STK4: variants seen among roughly 807,000 people sequenced by gnomAD.
STK4 encodes the protein serine/threonine kinase 4.
In STK4, 30 loss-of-function variants were observed where a neutral mutation model predicts 64.9. The ratio of observed to expected loss-of-function variants is 0.46; its 90% confidence interval spans 0.35 to 0.63. The LOEUF is 0.63. Among genes scored for constraint, STK4 ranks in the 20% least tolerant of loss-of-function variants. STK4 has a pLI of 0.01. For missense variants in STK4, 466 were observed against 598.5 expected, an observed-to-expected ratio of 0.78 and a Z score of 2.31; for synonymous variants, 177 against 199.0, an observed-to-expected ratio of 0.89 and a Z score of 0.93.
At chr20:45,008,983 G>A (rs2067998448) in intron 9 of STK4, among the ~76,000 whole-genome samples, 1 of 151,972 alleles carries the variant, frequency 6.6e-6, no homozygotes, top group Admixed American at 6.6e-5. Flanking sequence ...CCTTTCTGTA[G>A]GTTGTTTACA....
chr20:45,053,877 T>C (rs1978308930), intron 10 of STK4, among the ~76,000 whole-genome samples: 1 of 152,142 alleles, frequency 6.6e-6, no homozygotes, highest in Admixed American at 6.5e-5. Flanking sequence ...CTCAAAGCTG[T>C]GTGTAAAGAT....
intron 10 of STK4, among the ~76,000 whole-genome samples, chr20:45,028,544 C>T (rs559603727): frequency 1.3e-5 from 2 of 152,242 alleles, no homozygotes; most frequent in East Asian, 3.9e-4. Flanking sequence ...CCCAGCTCAT[C>T]TGGAACACCT....
At chr20:44,975,485 T>G (rs1187273372) in intron 2 of STK4, 1 of 513,088 alleles carries the variant, frequency 1.9e-6, no homozygotes, top group African/African-American at 2.1e-5. Context: ...GAATAATGAG[T>G]GAAAATTATT....
chr20:45,052,713 G>A (rs576781295), intron 10 of STK4, among the ~76,000 whole-genome samples: 15 of 152,324 alleles, frequency 9.8e-5, no homozygotes, highest in South Asian at 4.1e-4. Flanking sequence ...TGCGCTCTCA[G>A]ACTCTTGCCA....
intron 5 of STK4, among the ~76,000 whole-genome samples, chr20:44,988,747 T>G (rs2067582307): frequency 6.6e-6 from 1 of 151,748 alleles, no homozygotes; most frequent in Non-Finnish European, 1.5e-5. Context: ...TTCCAGAACA[T>G]TTTCATCATC....
chr20:44,988,507 G>GTA (rs1301798725), intron 5 of STK4, among the ~76,000 whole-genome samples: 16 of 123,144 alleles, frequency 1.3e-4, no homozygotes, highest in South Asian at 2.5e-4. Context: ...ATGTATGTAT[G>GTA]TGTGTGTGTA....
intron 9 of STK4, among the ~76,000 whole-genome samples, chr20:45,011,346 G>C (rs1224338958): frequency 6.6e-6 from 1 of 152,038 alleles, no homozygotes; most frequent in Non-Finnish European, 1.5e-5. Context: ...TTATATAAAA[G>C]TAGCCTTTAT....
At chr20:45,029,204 G>A (rs1200299855) in intron 10 of STK4, among the ~76,000 whole-genome samples, 3 of 152,212 alleles carry the variant, frequency 2.0e-5, no homozygotes, top group African/African-American at 7.2e-5. Flanking sequence ...GTTAATGGTT[G>A]TCTGGAGCTG....
chr20:45,052,308 C>A (rs1055448906), intron 10 of STK4, among the ~76,000 whole-genome samples: 2 of 152,092 alleles, frequency 1.3e-5, no homozygotes, highest in Non-Finnish European at 2.9e-5. Flanking sequence ...TACATTTTAA[C>A]ATTTCCTTCC....
At chr20:45,060,589 T>C (rs972194408) in intron 10 of STK4, among the ~76,000 whole-genome samples, 3 of 152,160 alleles carry the variant, frequency 2.0e-5, no homozygotes, top group African/African-American at 7.2e-5. Flanking sequence ...ATTCAACCAC[T>C]TACAACCTCT....
intron 10 of STK4, among the ~76,000 whole-genome samples, chr20:45,030,365 A>G (rs2145396957): frequency 6.6e-6 from 1 of 152,282 alleles, no homozygotes; most frequent in Middle Eastern, 3.4e-3. Flanking sequence ...TGGCCTCCCA[A>G]AGTGCTGGGA....
At chr20:45,061,872 CTTTTTTTTTT>C (rs71197598) in intron 10 of STK4, among the ~76,000 whole-genome samples, 2 of 115,074 alleles carry the variant, frequency 1.7e-5, no homozygotes, top group African/African-American at 6.6e-5. Context: ...TCTTCTTCTT[CTTTTTTTTTT>C]TTTTTTTTTT....
intron 4 of STK4, among the ~76,000 whole-genome samples, chr20:44,986,007 A>T (rs572225078): frequency 1.1e-4 from 17 of 152,328 alleles, no homozygotes; most frequent in African/African-American, 3.8e-4. Context: ...TATTGGCCAG[A>T]TCAGATATTC....
chr20:45,011,723 ATATATATTTTT>A (rs1335076877), intron 9 of STK4, among the ~76,000 whole-genome samples: 2 of 106,234 alleles, frequency 1.9e-5, no homozygotes, highest in Non-Finnish European at 3.9e-5. Flanking sequence ...ATATATATAT[ATATATATTTTT>A]TTTTTTTTTT....
chr20:45,031,994 T>C (rs1324530091), intron 10 of STK4, among the ~76,000 whole-genome samples: 1 of 151,738 alleles, frequency 6.6e-6, no homozygotes. Context: ...TGTTAAAAGG[T>C]ATACTTTATC....
At chr20:45,052,064 C>T (rs898057237) in intron 10 of STK4, among the ~76,000 whole-genome samples, 4 of 152,182 alleles carry the variant, frequency 2.6e-5, no homozygotes, top group Non-Finnish European at 5.9e-5. Context: ...CTGTAATGCA[C>T]GTAAAGCACC....
intron 6 of STK4, among the ~76,000 whole-genome samples, chr20:44,995,792 C>T (rs1451683770): frequency 2.0e-5 from 3 of 151,970 alleles, no homozygotes; most frequent in Non-Finnish European, 2.9e-5. Flanking sequence ...ATTGATAGCC[C>T]TCTGGCAGGA....
At chr20:45,060,919 C>G (rs1482918829) in intron 10 of STK4, among the ~76,000 whole-genome samples, 1 of 152,170 alleles carries the variant, frequency 6.6e-6, no homozygotes, top group East Asian at 1.9e-4. Flanking sequence ...ACCCATACTC[C>G]TCGATCCTTA....
rs139371780 is a variant in STK4 at position 45,002,576 on chromosome 20, A to G, written c.1147+1223A>G. On this transcript the variant is annotated intron_variant, in intron 9 of 10. Coordinates refer to ENST00000372806, the MANE Select transcript of STK4 (RefSeq NM_006282.5). ...TTTGACAGATTTGCCACTTATTTTG[A>G]GATTTTTAAAAATTCCTTATTGTTT... Among the ~76,000 whole-genome samples, 722 of 152,276 alleles carry G rather than the reference A, an allele frequency of 4.7e-3. 8 individuals carry two copies. The highest frequency in any genetic ancestry group is 0.016 in the African/African-American group (683 of 41,546).
Sources: gnomAD v4.1 joint callset for allele counts (sites outside exome capture counted in the v4.1 genomes callset) on GRCh38, gnomAD v4.1.1 for gene constraint, MANE v1.5 for transcripts, NCBI Gene and HGNC (gene_info 2026-07-23, HGNC 2026-07-21) for gene names.